PRAMEF19: variants seen among roughly 807,000 people sequenced by gnomAD.
PRAMEF19 encodes the protein PRAME family member-like.
In PRAMEF19, 21 loss-of-function variants were observed where a neutral mutation model predicts 33.1. That is an observed-to-expected ratio of 0.63 (90% confidence interval 0.45 to 0.91). The LOEUF (loss-of-function observed/expected upper bound fraction) is 0.91, where lower values mean the gene tolerates loss of function less well. PRAMEF19 is among the 40% of genes least tolerant of loss of function. PRAMEF19 has a pLI of 0.00. For missense variants in PRAMEF19, 481 were observed against 585.2 expected (o/e 0.82, Z 1.84); for synonymous variants, 179 against 229.3 (o/e 0.78, Z 1.98).
exon 3 of PRAMEF19, chr1:13,369,491 G>A: frequency 1.2e-6 from 2 of 1,613,946 alleles, no homozygotes; most frequent in Non-Finnish European, 1.7e-6. Context: ...AGCTCGGAGG[G>A]GCTCAAGACG....
exon 2 of PRAMEF19, chr1:13,371,095 C>T (rs1640665587): frequency 1.2e-6 from 2 of 1,612,224 alleles, no homozygotes; most frequent in Non-Finnish European, 1.7e-6. Context: ...TCTCTCCTGT[C>T]CTTGGACAGT....
chr1:13,371,009 C>T (rs1270310166), exon 2 of PRAMEF19: 49 of 1,612,024 alleles, frequency 3.0e-5, no homozygotes, highest in Admixed American at 1.3e-4. Flanking sequence ...CTGCACCCAC[C>T]CAGAGAAGAA....
chr1:13,369,097 G>T, exon 3 of PRAMEF19: 2 of 1,611,942 alleles, frequency 1.2e-6, no homozygotes, highest in Non-Finnish European at 1.7e-6. Context: ...AGCAAAAATT[G>T]AACTCCAGTT....
chr1:13,369,309 G>A (rs1640639045), exon 3 of PRAMEF19: 1 of 1,612,082 alleles, frequency 6.2e-7, no homozygotes, highest in Non-Finnish European at 8.5e-7. Flanking sequence ...CTGCCTGTGT[G>A]GCGCAGCAGG....
At chr1:13,371,663 A>G (rs1301884054) in exon 1 of PRAMEF19, 1 of 1,610,220 alleles carries the variant, frequency 6.2e-7, no homozygotes, top group Non-Finnish European at 8.5e-7. Flanking sequence ...TCCACTACAT[A>G]ATGTAAGATC....
intron 2 of PRAMEF19, 125 bp downstream of exon 2, chr1:13,370,524 C>T: frequency 7.9e-7 from 1 of 1,266,630 alleles, no homozygotes; most frequent in Non-Finnish European, 1.1e-6. Context: ...CAGGACAATG[C>T]ATTCTAGTAT....
chr1:13,369,164 T>C lies in PRAMEF19; in HGVS notation c.1343A>G (p.Asn448Ser), dbSNP rs1355940177. 1.7e-4 allele frequency: 280 copies of C among 1,611,850 alleles called. 1 individual carries two copies. Among genetic ancestry groups the C allele is most frequent in the East Asian group, 2.7e-4 (12 of 44,880 alleles). ...GGAGACGGGACCAAAGAAGATCCTG[T>C]TGGGCTCCCTTACTTCCCTCAGTAT... The change falls in exon 3 of 3, where the codon AAC becomes AGC. Residue 448 changes from asparagine (N) to serine (S), a missense_variant. Coordinates refer to ENST00000376101, the Ensembl canonical transcript of PRAMEF19.
chr1:13,369,519 C>A, exon 3 of PRAMEF19: 4 of 1,613,934 alleles, frequency 2.5e-6, no homozygotes, highest in Non-Finnish European at 3.4e-6. Flanking sequence ...CGCAGTGTAC[C>A]ATGACTCAGA....
At position 13,369,845 on chromosome 1, in the gene PRAMEF19, T is replaced by C. The variant is rs1331210313; in HGVS notation, c.867-205A>G. On this transcript the variant is annotated intron_variant, in intron 2 of 2. Transcript: ENST00000376101. ...TTAGGCTCAGTCCTTTCACCATCAC[T>C]GGTGTGATTGGTTCAAGGCCATAAA... Among the ~76,000 whole-genome samples, 5 of 151,288 alleles carry C rather than the reference T, an allele frequency of 3.3e-5. No individual in the cohort carries two copies. The East Asian group carries it at 9.7e-4, about 29-fold the overall frequency.
exon 3 of PRAMEF19, chr1:13,369,098 A>C (rs778791501): frequency 2.5e-6 from 4 of 1,612,020 alleles, no homozygotes; most frequent in Non-Finnish European, 2.5e-6. Context: ...GCAAAAATTG[A>C]ACTCCAGTTG....
At chr1:13,370,810 T>G (rs1237286554) in exon 2 of PRAMEF19, 27 of 1,613,804 alleles carry the variant, frequency 1.7e-5, no homozygotes, top group African/African-American at 4.0e-5. Flanking sequence ...TGAAGAGTTT[T>G]CGAAGATTCT....
chr1:13,369,924 A>G (rs2100382057), intron 2 of PRAMEF19, among the ~76,000 whole-genome samples: 1 of 151,462 alleles, frequency 6.6e-6, no homozygotes, highest in African/African-American at 2.4e-5. Flanking sequence ...TCTCTGGGCC[A>G]CAGGAGCCCA....
At chr1:13,370,070 C>T (rs2100382256) in intron 2 of PRAMEF19, among the ~76,000 whole-genome samples, 1 of 152,344 alleles carries the variant, frequency 6.6e-6, no homozygotes, top group African/African-American at 2.4e-5. Context: ...TGCCTACTCC[C>T]TCACCTCCAT....
rs766789492 is a variant in PRAMEF19, at chr1:13,369,260, C to T, written c.1247G>A (p.Arg416Gln). 2,884 of 1,612,012 alleles carry T rather than the reference C, an allele frequency of 1.8e-3. 34 individuals are homozygous for T. In the African/African-American group the frequency reaches 0.033, roughly 19 times the overall value. Residue 416 changes from arginine to glutamine, a missense_variant, in exon 3 of 3, where the codon CGG (arginine) becomes CAG (glutamine). Arg to Gln is a conservative substitution (Grantham distance 43). Coordinates refer to ENST00000376101, the Ensembl canonical transcript of PRAMEF19. ...ACGACCCCTGTTGTCAAGACTCTCC[C>T]GAGGGGCAGGATATGTTTCCAGGCT...
exon 2 of PRAMEF19, chr1:13,370,908 A>G (rs1212747605): frequency 6.2e-7 from 1 of 1,613,940 alleles, no homozygotes. Flanking sequence ...CTGTCTGGGT[A>G]TACTGTTTCT....
exon 2 of PRAMEF19, chr1:13,370,891 T>C: frequency 6.2e-7 from 1 of 1,613,984 alleles, no homozygotes; most frequent in South Asian, 1.1e-5. Context: ...TTTCCAATAC[T>C]TGGATACTGT....
Position 13,369,651 on chromosome 1 carries a change from C to A in PRAMEF19, c.867-11G>T, listed in dbSNP as rs1484892016. On this transcript the variant is annotated splice_polypyrimidine_tract_variant and intron_variant, in intron 2 of 2. Coordinates refer to ENST00000376101, the Ensembl canonical transcript of PRAMEF19. ...GGGCTCTTGAGGCACCTGGGGAGAGCAAGAAGTTAGTACTGGGCAATGGCA... is the reference window on the plus strand; with the variant it reads ...GGGCTCTTGAGGCACCTGGGGAGAGAAAGAAGTTAGTACTGGGCAATGGCA... 6.2e-7 allele frequency: 1 copy of A among 1,613,406 alleles called. No homozygotes were observed. Among genetic ancestry groups the A allele is most frequent in the Non-Finnish European group, 8.5e-7 (1 of 1,179,778 alleles).
downstream of PRAMEF19, chr1:13,369,010 G>T: frequency 6.2e-7 from 1 of 1,603,134 alleles, no homozygotes; most frequent in Non-Finnish European, 8.5e-7. Context: ...AGATATCTAT[G>T]TCCTAGATTT....
At position 13,369,847 on chromosome 1, in the gene PRAMEF19, G is replaced by T. The variant is rs1231220056; in HGVS notation, c.867-207C>A. On this transcript the variant is annotated intron_variant, in intron 2 of 2. Transcript: ENST00000376101. ...AGGCTCAGTCCTTTCACCATCACTGGTGTGATTGGTTCAAGGCCATAAAAT... is the reference window on the plus strand; with the variant it reads ...AGGCTCAGTCCTTTCACCATCACTGTTGTGATTGGTTCAAGGCCATAAAAT... 2.0e-5 allele frequency among the ~76,000 whole-genome samples: 3 copies of T among 151,104 alleles called. No homozygotes were observed. The East Asian group carries it at 5.8e-4, about 29-fold the overall frequency.
Sources: gnomAD v4.1 joint callset for allele counts (sites outside exome capture counted in the v4.1 genomes callset) on GRCh38, gnomAD v4.1.1 for gene constraint, MANE v1.5 for transcripts, NCBI Gene and HGNC (gene_info 2026-07-23, HGNC 2026-07-21) for gene names.